The following SCD5 variants were observed in gnomAD, a reference collection of about 807,000 sequenced individuals.
SCD5 encodes stearoyl-CoA desaturase 5.
Under a neutral mutation model 30.4 loss-of-function variants are expected in SCD5, and 20 were observed. The observed-to-expected ratio is 0.66, with a 90% confidence interval of 0.46 to 0.96. The LOEUF (loss-of-function observed/expected upper bound fraction) is 0.96. SCD5 is among the 40% of genes least tolerant of loss of function. The pLI is 0.00. For synonymous variants in SCD5, 173 were observed against 176.4 expected (o/e 0.98, Z 0.16); for missense variants, 381 against 443.3 (o/e 0.86, Z 1.26).
rs867938884 is a variant in SCD5 at position 82,762,261 on chromosome 4, A to T, written c.232+36045T>A. Among the ~76,000 whole-genome samples, 216 of 137,866 alleles carry T rather than the reference A, an allele frequency of 1.6e-3. 1 individual carries two copies. The highest frequency in any genetic ancestry group is 5.4e-3 in the African/African-American group (201 of 36,922). The allele number at this position is 137,866 out of a possible 152,430, so 90.4% of individuals were successfully genotyped here. ...GAGAGACCTTACACTCAAGGGGCTA[A>T]TTTTTTTTTTAGATGGAGTCTCACT... On this transcript the variant is annotated intron_variant, in intron 1 of 4. Coordinates refer to ENST00000319540, the MANE Select transcript of SCD5 (RefSeq NM_001037582.3).
chr4:82,724,478 C>A (rs17351704), intron 1 of SCD5, among the ~76,000 whole-genome samples: 79,347 of 151,778 alleles, frequency 0.52, 21,824 homozygotes, highest in African/African-American at 0.69. Flanking sequence ...ATAAAACAGA[C>A]CTTGCTTTGT....
At chr4:82,649,689 A>G (rs1727706215) in intron 3 of SCD5, among the ~76,000 whole-genome samples, 1 of 152,202 alleles carries the variant, frequency 6.6e-6, no homozygotes, top group Non-Finnish European at 1.5e-5. Flanking sequence ...TGCTACTTGC[A>G]GTAGAATTTG....
chr4:82,655,550 AAAGT>A (rs1727852418), intron 3 of SCD5, among the ~76,000 whole-genome samples: 1 of 152,210 alleles, frequency 6.6e-6, no homozygotes, highest in Non-Finnish European at 1.5e-5. Flanking sequence ...GATGAAAACA[AAAGT>A]AAAAATAGTT....
intron 3 of SCD5, among the ~76,000 whole-genome samples, chr4:82,671,800 G>C (rs993968329): frequency 1.3e-5 from 2 of 152,176 alleles, no homozygotes; most frequent in Non-Finnish European, 2.9e-5. Context: ...AGGATCACTT[G>C]AACCCAGGAG....
intron 3 of SCD5, chr4:82,660,700 T>C: frequency 7.0e-7 from 1 of 1,432,642 alleles, no homozygotes. Context: ...ATATTTTACC[T>C]CCCCGTAGCT....
At chr4:82,675,185 G>C (rs1457620269) in intron 3 of SCD5, among the ~76,000 whole-genome samples, 2 of 152,178 alleles carry the variant, frequency 1.3e-5, no homozygotes, top group African/African-American at 4.8e-5. Context: ...ACTCTGGTAA[G>C]GAATGCTGAT....
chr4:82,629,716 C>T lies in SCD5; in HGVS notation c.*1611G>A, dbSNP rs887626765. 6.6e-6 allele frequency: 1 copy of T among 152,174 alleles called. No homozygotes were observed. Among genetic ancestry groups the T allele is most frequent in the East Asian group, 1.9e-4 (1 of 5,200 alleles). The allele number at this position is 152,174 out of a possible 1,614,324, so 9.4% of individuals were successfully genotyped here. A position where few individuals can be genotyped will look rare whatever the true frequency, so the allele number is the denominator to read the frequency against. ...AATCCTACATCTTTTCTGAAAATAT[C>T]TATCTTCAAAGTGCTCCAATACTAA... On this transcript the variant is annotated 3_prime_UTR_variant, in exon 5 of 5. Transcript: ENST00000319540.
chr4:82,770,940 G>A (rs968243511), intron 1 of SCD5, among the ~76,000 whole-genome samples: 1 of 152,112 alleles, frequency 6.6e-6, no homozygotes, highest in African/African-American at 2.4e-5. Context: ...CACAGTAATA[G>A]CTGGTTTATT....
intron 3 of SCD5, among the ~76,000 whole-genome samples, chr4:82,652,097 C>G (rs1405460418): frequency 6.6e-6 from 1 of 152,132 alleles, no homozygotes; most frequent in Non-Finnish European, 1.5e-5. Context: ...AACTACACTT[C>G]GAGGAGTGAG....
At chr4:82,636,453 A>AG in intron 4 of SCD5, 138 bp downstream of exon 4, 2 of 160,752 alleles carry the variant, frequency 1.2e-5, no homozygotes, top group Non-Finnish European at 1.8e-5. Context: ...TCTATCTCGG[A>AG]AAAAAAAAAA....
chr4:82,766,540 C>T (rs1036616677), intron 1 of SCD5, among the ~76,000 whole-genome samples: 1 of 152,108 alleles, frequency 6.6e-6, no homozygotes, highest in African/African-American at 2.4e-5. Context: ...TGGTCTTGTC[C>T]ACTAATTCTT....
chr4:82,760,293 AC>A (rs1721335551), intron 1 of SCD5, among the ~76,000 whole-genome samples: 1 of 151,694 alleles, frequency 6.6e-6, no homozygotes, highest in Admixed American at 6.6e-5. Flanking sequence ...CATGCCCTGA[AC>A]CCTTCTTCTC....
At chr4:82,787,040 A>G (rs1242525490) in intron 1 of SCD5, among the ~76,000 whole-genome samples, 5 of 152,128 alleles carry the variant, frequency 3.3e-5, no homozygotes, top group Non-Finnish European at 1.5e-5. Flanking sequence ...CCCTCCTCCT[A>G]AGCAAGATCT....
chr4:82,702,195 AG>A (rs992624428), intron 2 of SCD5, among the ~76,000 whole-genome samples: 1 of 115,736 alleles, frequency 8.6e-6, no homozygotes. Context: ...CCCAGGCTGG[AG>A]TGCAGTGGTG....
intron 1 of SCD5, among the ~76,000 whole-genome samples, chr4:82,733,326 G>A (rs902205255): frequency 6.6e-6 from 1 of 152,098 alleles, no homozygotes; most frequent in Admixed American, 6.6e-5. Context: ...GCCCTGTTAC[G>A]ATGCACAGAG....
chr4:82,653,932 T>TA (rs1727814820), intron 3 of SCD5, among the ~76,000 whole-genome samples: 2 of 149,248 alleles, frequency 1.3e-5, no homozygotes, highest in East Asian at 3.9e-4. Context: ...TTTTTTTTTT[T>TA]AATCAAACGG....
At chr4:82,649,190 T>G (rs1265145639) in intron 3 of SCD5, among the ~76,000 whole-genome samples, 1 of 143,024 alleles carries the variant, frequency 7.0e-6, no homozygotes, top group Admixed American at 6.8e-5. Context: ...GGTGTGTGTG[T>G]GTGTGTGTGT....
intron 2 of SCD5, chr4:82,698,102 A>C: frequency 2.2e-6 from 1 of 456,602 alleles, no homozygotes; most frequent in Non-Finnish European, 4.4e-6. Context: ...TGGAGGAGAA[A>C]ACCAACAACA....
rs370713695 is a variant in SCD5, at chr4:82,782,329, A to G, written c.232+15977T>C. 4.6e-5 allele frequency among the ~76,000 whole-genome samples: 7 copies of G among 152,220 alleles called. No individual in the cohort carries two copies. In the East Asian group the frequency reaches 5.8e-4, roughly 13 times the overall value. ...ATTTACTAGAATACAGACATACAGC[A>G]GAAATCCTGAAATACAGCGGAAATC... On this transcript the variant is annotated intron_variant, in intron 1 of 4. Coordinates refer to ENST00000319540, the MANE Select transcript of SCD5 (RefSeq NM_001037582.3).
Sources: gnomAD v4.1 joint callset for allele counts (sites outside exome capture counted in the v4.1 genomes callset) on GRCh38, gnomAD v4.1.1 for gene constraint, MANE v1.5 for transcripts, NCBI Gene and HGNC (gene_info 2026-07-23, HGNC 2026-07-21) for gene names.